Variants in GUCY2F observed in about 807,000 individuals in gnomAD.
GUCY2F encodes the protein retinal guanylyl cyclase 2.
Under a neutral mutation model 73.1 loss-of-function variants are expected in GUCY2F, and 61 were observed. The ratio of observed to expected loss-of-function variants is 0.83; its 90% CI spans 0.68 to 1.03. The LOEUF (loss-of-function observed/expected upper bound fraction) is 1.03. Among genes scored for constraint, GUCY2F ranks in the 50% least tolerant of loss-of-function variants. The pLI is 0.00. For synonymous variants in GUCY2F, 331 were observed against 307.8 expected (o/e 1.08, Z -0.79); for missense variants, 912 against 854.3 (o/e 1.07, Z -0.84).
chrX:109,379,766 G>A (rs1930258603), intron 17 of GUCY2F, among the ~76,000 whole-genome samples: 1 of 112,473 alleles, frequency 8.9e-6, no homozygotes, highest in Admixed American at 9.4e-5. Context: ...TAGCCCACAA[G>A]GCGAGAAATA....
intron 1 of GUCY2F, among the ~76,000 whole-genome samples, 177 bp from the exon 2 acceptor site, chrX:109,476,198 A>C (rs1932693409): frequency 9.1e-6 from 1 of 109,589 alleles, no homozygotes. Context: ...AGTACATGGC[A>C]CATCCATCCA....
intron 3 of GUCY2F, among the ~76,000 whole-genome samples, chrX:109,460,913 A>G (rs1169959276): frequency 1.8e-5 from 2 of 111,959 alleles, no homozygotes; most frequent in Non-Finnish European, 1.9e-5. Context: ...AGACTTAGAC[A>G]TTCAAATTAA....
intron 7 of GUCY2F, among the ~76,000 whole-genome samples, chrX:109,438,553 AAAAC>A (rs1440244288): frequency 2.7e-5 from 3 of 113,115 alleles, no homozygotes; most frequent in East Asian, 2.8e-4. Context: ...AAAATCCAAC[AAAAC>A]AAACAACATT....
intron 7 of GUCY2F, among the ~76,000 whole-genome samples, chrX:109,436,137 C>A (rs1326160849): frequency 3.6e-5 from 4 of 111,877 alleles, no homozygotes; most frequent in African/African-American, 1.3e-4. Flanking sequence ...TATGAACAGA[C>A]ACTTCTCAAA....
chrX:109,466,506 G>A (rs1452571916), intron 2 of GUCY2F, among the ~76,000 whole-genome samples: 4 of 111,429 alleles, frequency 3.6e-5, no homozygotes, highest in Non-Finnish European at 7.5e-5. Flanking sequence ...AGGGGGCCAC[G>A]GTTGAAAAAT....
At chrX:109,445,495 T>C (rs1177866915) in intron 6 of GUCY2F, among the ~76,000 whole-genome samples, 2 of 112,175 alleles carry the variant, frequency 1.8e-5, no homozygotes, top group Admixed American at 1.9e-4. Flanking sequence ...GAGCCATATA[T>C]GTAATTTTAA....
chrX:109,478,976 G>A (rs1192951039), intron 1 of GUCY2F, among the ~76,000 whole-genome samples: 1 of 112,083 alleles, frequency 8.9e-6, no homozygotes, highest in South Asian at 3.7e-4. Flanking sequence ...AAGTTCCCCA[G>A]TCACCCATGA....
intron 12 of GUCY2F, among the ~76,000 whole-genome samples, chrX:109,394,818 C>T (rs1269696836): frequency 8.9e-6 from 1 of 111,979 alleles, no homozygotes; most frequent in Non-Finnish European, 1.9e-5. Flanking sequence ...TAAGGAATCT[C>T]CTGCTTTTGC....
At chrX:109,441,740 G>A (rs928617820) in intron 6 of GUCY2F, among the ~76,000 whole-genome samples, 3 of 109,291 alleles carry the variant, frequency 2.7e-5, no homozygotes, top group Non-Finnish European at 5.7e-5. Flanking sequence ...ACAGATGGGG[G>A]CAAGAAAGAA....
At chrX:109,421,289 C>T (rs771135059) in intron 8 of GUCY2F, among the ~76,000 whole-genome samples, 20 of 111,605 alleles carry the variant, frequency 1.8e-4, no homozygotes, top group African/African-American at 4.5e-4. Context: ...AGTCTCAAAG[C>T]GGTATTTCTA....
intron 16 of GUCY2F, chrX:109,383,544 A>G (rs1383809062): frequency 1.8e-5 from 3 of 163,901 alleles, no homozygotes; most frequent in Non-Finnish European, 3.0e-5. Context: ...CTACCTCTCT[A>G]CAGATCTCCA....
At chrX:109,401,910 A>G (rs1930847938) in intron 10 of GUCY2F, among the ~76,000 whole-genome samples, 1 of 111,213 alleles carries the variant, frequency 9.0e-6, no homozygotes, top group Non-Finnish European at 1.9e-5. Context: ...GCCTGGTGTA[A>G]TGTAAATAAA....
chrX:109,439,499 G>A (rs116142743), intron 7 of GUCY2F, among the ~76,000 whole-genome samples: 1,974 of 110,360 alleles, frequency 0.018, 44 homozygotes, highest in African/African-American at 0.062. Flanking sequence ...CACATGGCAA[G>A]GCTGAGAATT....
intron 17 of GUCY2F, among the ~76,000 whole-genome samples, chrX:109,380,606 A>G (rs1232711856): frequency 9.0e-6 from 1 of 111,507 alleles, no homozygotes; most frequent in East Asian, 2.8e-4. Context: ...GTGGCATCAG[A>G]GAAAGGCTCT....
chrX:109,433,690 C>T (rs1178372092), intron 7 of GUCY2F, among the ~76,000 whole-genome samples: 2 of 111,942 alleles, frequency 1.8e-5, no homozygotes, highest in Non-Finnish European at 3.8e-5. Context: ...TCACTCATCA[C>T]TCACTTTTTA....
At chrX:109,414,667 T>C (rs1931198362) in intron 8 of GUCY2F, among the ~76,000 whole-genome samples, 1 of 112,196 alleles carries the variant, frequency 8.9e-6, no homozygotes. Context: ...GAGAGTTACA[T>C]AATGTGAGTA....
chrX:109,398,583 AC>A lies in GUCY2F; in HGVS notation c.2240del (p.Gly747ValfsTer6), dbSNP rs777791194. The A allele has an allele frequency of 8.3e-7, 1 of 1,209,462 alleles. No individual in the cohort carries two copies. Among genetic ancestry groups the A allele is most frequent in the African/African-American group, 1.7e-5 (1 of 57,641 alleles). On this transcript the variant is annotated frameshift_variant, in exon 11 of 20. Transcript: ENST00000218006. LOFTEE classifies it high-confidence loss of function. ...GCAGATCCATCATGCAGAATGGGGT[AC>A]CCCGGACCATCACTTCTTGCATGAT... ...AIIMQEVMVRGTPFCMMDLPA... is the reference protein window; with the variant it reads ...AIIMQEVMVRXTPFCMMDLPA...
Position 109,465,113 on chromosome X carries a change from C to A in GUCY2F, c.1032+29G>T, listed in dbSNP as rs1320965612. Reference sequence around the variant, plus strand: ...CCATGCTGATGTTTTAGGTTCTCAGCTCATGACAACCTATGAATGTGTACT... The same window carrying A: ...CCATGCTGATGTTTTAGGTTCTCAGATCATGACAACCTATGAATGTGTACT... On this transcript the variant is annotated intron_variant, in intron 3 of 19. Transcript: ENST00000218006. 2.7e-6 allele frequency: 3 copies of A among 1,110,818 alleles called. 1 individual carries two copies. The Admixed American group carries it at 6.8e-5, about 25-fold the overall frequency. The allele number at this position is 1,110,818 out of a possible 1,213,427, so 91.5% of individuals were successfully genotyped here. A position where few individuals can be genotyped will look rare whatever the true frequency, so the allele number is the denominator to read the frequency against.
intron 17 of GUCY2F, among the ~76,000 whole-genome samples, chrX:109,381,387 C>T (rs1322354568): frequency 1.8e-5 from 2 of 111,679 alleles, no homozygotes; most frequent in Non-Finnish European, 3.8e-5. Context: ...CAAACTACTT[C>T]ACCTCTCTGG....
Sources: gnomAD v4.1 joint callset for allele counts (sites outside exome capture counted in the v4.1 genomes callset) on GRCh38, gnomAD v4.1.1 for gene constraint, MANE v1.5 for transcripts, NCBI Gene and HGNC (gene_info 2026-07-23, HGNC 2026-07-21) for gene names.